Variants in SERPINB9 observed in about 807,000 individuals in gnomAD.
SERPINB9 encodes the protein serpin B9.
In SERPINB9, 20 loss-of-function variants were observed where a neutral mutation model predicts 27.2. The observed-to-expected ratio is 0.74, with a 90% confidence interval of 0.52 to 1.07. The LOEUF is 1.07. SERPINB9 is among the 50% of genes least tolerant of loss of function. SERPINB9 has a pLI of 0.00. For synonymous variants in SERPINB9, 189 were observed against 180.0 expected, an observed-to-expected ratio of 1.05 and a Z score of -0.40; for missense variants, 476 against 460.1, an observed-to-expected ratio of 1.03 and a Z score of -0.32.
At chr6:2,900,248 C>A (rs28482830) in intron 2 of SERPINB9, among the ~76,000 whole-genome samples, 196 bp downstream of exon 2, 4,144 of 152,256 alleles carry the variant, frequency 0.027, 82 homozygotes, top group South Asian at 0.075. Flanking sequence ...AAATAAATCT[C>A]GGTGGAGCAG....
chr6:2,900,640 G>C lies in SERPINB9; in HGVS notation c.-10-19C>G, dbSNP rs1561648667. ...GCAGGGCCTGGAAGGGAAGAATAAA[G>C]AGAAATGCAGTTTCCACACTCCCTG... On this transcript the variant is annotated intron_variant, in intron 1 of 6. Coordinates refer to ENST00000380698, the MANE Select transcript of SERPINB9 (RefSeq NM_004155.6). 12 of 1,608,678 alleles carry C rather than the reference G, an allele frequency of 7.5e-6. No individual in the cohort carries two copies. The highest frequency in any genetic ancestry group is 1.0e-5 in the Non-Finnish European group (12 of 1,176,128).
At chr6:2,898,819 A>G (rs1305780615) in intron 2 of SERPINB9, among the ~76,000 whole-genome samples, 2 of 152,022 alleles carry the variant, frequency 1.3e-5, no homozygotes, top group Non-Finnish European at 2.9e-5. Context: ...GTCTCGAAAA[A>G]AAAAAAAAGA....
At chr6:2,893,040 C>T (rs1427295198) in intron 5 of SERPINB9, among the ~76,000 whole-genome samples, 2 of 139,400 alleles carry the variant, frequency 1.4e-5, no homozygotes, top group Non-Finnish European at 3.1e-5. Flanking sequence ...CCACATATCA[C>T]ACTACCTTAA....
At chr6:2,899,540 AGTGTT>A (rs900099786) in intron 2 of SERPINB9, among the ~76,000 whole-genome samples, 2 of 152,192 alleles carry the variant, frequency 1.3e-5, no homozygotes, top group Non-Finnish European at 2.9e-5. Flanking sequence ...TAAAAATCTT[AGTGTT>A]ATTTCACCTC....
intron 2 of SERPINB9, chr6:2,899,700 A>G: frequency 3.7e-6 from 1 of 268,920 alleles, no homozygotes; most frequent in Admixed American, 5.0e-5. Context: ...TCTTCACACA[A>G]TGAGCTGGGA....
chr6:2,902,410 C>T (rs1355286752), intron 1 of SERPINB9, among the ~76,000 whole-genome samples: 1 of 152,210 alleles, frequency 6.6e-6, no homozygotes, highest in African/African-American at 2.4e-5. Flanking sequence ...GGACCCCATT[C>T]GTTTAGCTGA....
chr6:2,892,105 TAAAAAAAAA>T (rs535487251), intron 5 of SERPINB9, 117 bp from the exon 6 acceptor site: 2,478 of 116,662 alleles, frequency 0.021, 4 homozygotes, highest in East Asian at 0.032. Flanking sequence ...CAGTTAACAC[TAAAAAAAAA>T]AAAAAAAAAA....
chr6:2,891,863 C>T lies in SERPINB9; in HGVS notation c.693G>A (p.Leu231=), dbSNP rs1309774300. Residue 231 remains leucine (L), a synonymous_variant, in exon 6 of 7, where the codon CTG becomes CTA. Transcript: ENST00000380698. This position sits in a 1 kb window ranked among gnomAD's most constrained non-coding sequence, Gnocchi z 4.0. ...TGAGCTCCACGCCGTCGTCAGGCAG[C>T]AGCACCAGCAGGCTCAGCTCCTTCC... ...YARKELSLLV[L]LPDDGVELST... 2.5e-6 allele frequency: 4 copies of T among 1,609,506 alleles called. No individual in the cohort carries two copies.
chr6:2,893,200 A>AT, intron 5 of SERPINB9, among the ~76,000 whole-genome samples: 4 of 144,456 alleles, frequency 2.8e-5, no homozygotes, highest in Non-Finnish European at 3.0e-5. Context: ...ATATATATAT[A>AT]TATTATATAT....
Position 2,890,158 on chromosome 6 carries a change from A to G in SERPINB9, c.*5T>C, listed in dbSNP as rs1438234109. The G allele has an allele frequency of 1.2e-6, 2 of 1,608,392 alleles. No individual in the cohort carries two copies. Among genetic ancestry groups the G allele is most frequent in the Admixed American group, 1.7e-5 (1 of 59,572 alleles). ...AAATGGCCGAGTGCACGGTAAGTGCACCCTTTATGGCGATGAGAACCTGCC... is the reference window on the plus strand; with the variant it reads ...AAATGGCCGAGTGCACGGTAAGTGCGCCCTTTATGGCGATGAGAACCTGCC... On this transcript the variant is annotated 3_prime_UTR_variant, in exon 7 of 7. Coordinates refer to ENST00000380698, the MANE Select transcript of SERPINB9 (RefSeq NM_004155.6). The surrounding 1 kb of genome is among the most constrained non-coding windows in gnomAD (Gnocchi z 6.2).
chr6:2,900,178 G>A (rs867239379), intron 2 of SERPINB9: 10 of 528,778 alleles, frequency 1.9e-5, no homozygotes, highest in Middle Eastern at 6.0e-4. Flanking sequence ...AAGATTCTGC[G>A]CTAGGACAAG....
intron 1 of SERPINB9, among the ~76,000 whole-genome samples, chr6:2,901,956 C>T (rs149594705): frequency 1.6e-4 from 24 of 152,282 alleles, no homozygotes; most frequent in African/African-American, 4.8e-4. Flanking sequence ...CACAGCCACA[C>T]GGCACCTCAG....
At chr6:2,900,781 CA>C (rs1561648738) in intron 1 of SERPINB9, among the ~76,000 whole-genome samples, 160 bp from the exon 2 acceptor site, 1 of 151,856 alleles carries the variant, frequency 6.6e-6, no homozygotes, top group Non-Finnish European at 1.5e-5. Flanking sequence ...AGTCTCCGGC[CA>C]AAAATTAAGT....
At chr6:2,899,369 G>C (rs1768114878) in intron 2 of SERPINB9, among the ~76,000 whole-genome samples, 1 of 152,156 alleles carries the variant, frequency 6.6e-6, no homozygotes, top group African/African-American at 2.4e-5. Context: ...CTACGCTCTT[G>C]CACAAAGGCC....
chr6:2,896,299 T>A, intron 2 of SERPINB9, 109 bp from the exon 3 acceptor site: 2 of 904,206 alleles, frequency 2.2e-6, no homozygotes, highest in Non-Finnish European at 3.4e-6. Context: ...CCATTCTGCC[T>A]GAATGGATCT....
At chr6:2,892,568 C>T (rs2113602498) in intron 5 of SERPINB9, among the ~76,000 whole-genome samples, 1 of 152,212 alleles carries the variant, frequency 6.6e-6, no homozygotes, top group Non-Finnish European at 1.5e-5. Flanking sequence ...GGCATAAGCA[C>T]ATAGAAGCTC....
intron 2 of SERPINB9, among the ~76,000 whole-genome samples, chr6:2,898,555 C>T (rs759467557): frequency 1.8e-4 from 27 of 152,210 alleles, no homozygotes; most frequent in East Asian, 7.7e-4. Flanking sequence ...CAGTGGCTCA[C>T]GCCTGTAATC....
intron 2 of SERPINB9, among the ~76,000 whole-genome samples, chr6:2,898,741 G>A (rs73345433): frequency 9.9e-5 from 15 of 152,030 alleles, no homozygotes; most frequent in African/African-American, 2.4e-4. Flanking sequence ...GTGAACTCGG[G>A]GGGTGGAGCT....
chr6:2,892,601 C>T (rs318488), intron 5 of SERPINB9, among the ~76,000 whole-genome samples: 88,882 of 151,930 alleles, frequency 0.59, 26,213 homozygotes, highest in East Asian at 0.72. Context: ...CATTTATTAA[C>T]GTAATACTTT....
Sources: allele counts gnomAD v4.1 joint callset (sites outside exome capture counted in the v4.1 genomes callset), GRCh38; gene constraint gnomAD v4.1.1; non-coding constraint Gnocchi (gnomAD v3.1); transcripts MANE v1.5; gene names NCBI Gene and HGNC (gene_info 2026-07-23, HGNC 2026-07-21).